Variants in AUTS2 observed in about 807,000 individuals in gnomAD.
AUTS2 encodes the protein activator of transcription and developmental regulator AUTS2.
Under a neutral mutation model 112.4 loss-of-function variants are expected in AUTS2, and 17 were observed. The observed-to-expected ratio is 0.15, with a 90% CI of 0.10 to 0.23. The LOEUF (loss-of-function observed/expected upper bound fraction) is 0.23, where lower values mean the gene tolerates loss of function less well. Among genes scored for constraint, AUTS2 ranks in the 10% least tolerant of loss-of-function variants. The probability of loss-of-function intolerance (pLI) is 1.00; values close to 1 mark genes in which losing one functional copy is unlikely to be tolerated. For missense variants in AUTS2, 1,510 were observed against 1,701.6 expected, an observed-to-expected ratio of 0.89 and a Z score of 1.98; for synonymous variants, 751 against 702.7, an observed-to-expected ratio of 1.07 and a Z score of -1.09.
chr7:69,686,104 A>T (rs1797053616), intron 1 of AUTS2, among the ~76,000 whole-genome samples: 1 of 152,194 alleles, frequency 6.6e-6, no homozygotes, highest in Non-Finnish European at 1.5e-5. Flanking sequence ...GGTGTAGGTT[A>T]TACCAAAGAT....
intron 2 of AUTS2, among the ~76,000 whole-genome samples, chr7:70,099,747 GA>G (rs1243571392): frequency 6.6e-6 from 1 of 152,120 alleles, no homozygotes; most frequent in Non-Finnish European, 1.5e-5. Flanking sequence ...AATTCCTCCA[GA>G]AAAGTCAAGT....
At chr7:70,592,727 C>T (rs1312191376) in intron 5 of AUTS2, among the ~76,000 whole-genome samples, 6 of 152,128 alleles carry the variant, frequency 3.9e-5, no homozygotes, top group Admixed American at 3.3e-4. Context: ...CTACCCCTAC[C>T]CTACCCATGG....
Position 70,463,947 on chromosome 7 carries a change from G to A in AUTS2, c.690+28166G>A, listed in dbSNP as rs1585176232. Among the ~76,000 whole-genome samples, 3 of 152,204 alleles carry A rather than the reference G, an allele frequency of 2.0e-5. No individual in the cohort carries two copies. The East Asian group carries it at 5.8e-4, about 29-fold the overall frequency. On this transcript the variant is annotated intron_variant, in intron 5 of 18. Coordinates refer to ENST00000342771, the MANE Select transcript of AUTS2 (RefSeq NM_015570.4). ...AATTAATCCATGTGGGTCAAATGCA[G>A]CTATTAATTTTTAATCAAAACACAA...
chr7:70,115,603 A>C (rs928490228), intron 2 of AUTS2, among the ~76,000 whole-genome samples: 1 of 152,230 alleles, frequency 6.6e-6, no homozygotes, highest in Non-Finnish European at 1.5e-5. Flanking sequence ...TCATTACTTC[A>C]TGTCAAATGT....
intron 2 of AUTS2, among the ~76,000 whole-genome samples, chr7:69,991,262 G>C (rs2129551501): frequency 6.6e-6 from 1 of 152,336 alleles, no homozygotes; most frequent in East Asian, 1.9e-4. Flanking sequence ...AGGTCCAGGA[G>C]ACATCCTGAG....
chr7:69,908,074 A>G (rs892970353), intron 2 of AUTS2, among the ~76,000 whole-genome samples: 1 of 152,232 alleles, frequency 6.6e-6, no homozygotes, highest in Non-Finnish European at 1.5e-5. Flanking sequence ...AAATATGAAT[A>G]TAGATACAAT....
intron 4 of AUTS2, among the ~76,000 whole-genome samples, chr7:70,149,876 A>G (rs1807334907): frequency 6.6e-6 from 1 of 152,070 alleles, no homozygotes; most frequent in Non-Finnish European, 1.5e-5. Context: ...GAGAATATTG[A>G]TGCAGTTTGG....
At chr7:69,997,061 G>A (rs1459089470) in intron 2 of AUTS2, among the ~76,000 whole-genome samples, 1 of 151,678 alleles carries the variant, frequency 6.6e-6, no homozygotes, top group East Asian at 1.9e-4. Flanking sequence ...GATTATAAAT[G>A]TGCAGCCAGG....
chr7:69,945,876 C>G (rs933067021), intron 2 of AUTS2, among the ~76,000 whole-genome samples: 2 of 152,114 alleles, frequency 1.3e-5, no homozygotes, highest in African/African-American at 4.8e-5. Context: ...AAGATGGGCT[C>G]TTACTCTGTC....
chr7:70,284,816 A>G (rs182192631), intron 4 of AUTS2, among the ~76,000 whole-genome samples: 11 of 152,300 alleles, frequency 7.2e-5, no homozygotes, highest in Non-Finnish European at 7.4e-5. Flanking sequence ...CTGGAAAGGA[A>G]GACTGAGCAT....
chr7:70,279,563 A>T (rs1788105032), intron 4 of AUTS2, among the ~76,000 whole-genome samples: 1 of 152,222 alleles, frequency 6.6e-6, no homozygotes, highest in East Asian at 1.9e-4. Context: ...GTTGCCCAGA[A>T]AGGAATCAGC....
intron 2 of AUTS2, among the ~76,000 whole-genome samples, chr7:69,972,221 CTTAT>C (rs1224659179): frequency 2.6e-5 from 4 of 152,066 alleles, no homozygotes; most frequent in Admixed American, 6.6e-5. Flanking sequence ...TTTTCATTTG[CTTAT>C]TTGTCATTTG....
At chr7:69,704,232 C>T (rs1394019369) in intron 1 of AUTS2, among the ~76,000 whole-genome samples, 1 of 152,130 alleles carries the variant, frequency 6.6e-6, no homozygotes, top group Non-Finnish European at 1.5e-5. Flanking sequence ...GTTTTCTGAA[C>T]TCCTTAGTGT....
intron 4 of AUTS2, among the ~76,000 whole-genome samples, chr7:70,339,100 T>C (rs1293518632): frequency 1.3e-5 from 2 of 151,980 alleles, no homozygotes; most frequent in Admixed American, 1.3e-4. Flanking sequence ...CCTGACCTCG[T>C]GATCCGCCCG....
intron 5 of AUTS2, chr7:70,693,985 G>A (rs1374995652): frequency 6.6e-6 from 1 of 151,908 alleles, no homozygotes; most frequent in African/African-American, 2.4e-5. Context: ...GGCGCGCGGG[G>A]CGGGACGGAG....
At chr7:69,657,641 A>AT (rs547342759) in intron 1 of AUTS2, among the ~76,000 whole-genome samples, 16 of 150,544 alleles carry the variant, frequency 1.1e-4, no homozygotes, top group Admixed American at 2.7e-4. Context: ...GTGGTGAAGG[A>AT]TTTTTTTTTT....
At chr7:70,070,698 C>G (rs934333324) in intron 2 of AUTS2, among the ~76,000 whole-genome samples, 5 of 151,876 alleles carry the variant, frequency 3.3e-5, no homozygotes, top group Non-Finnish European at 4.4e-5. Flanking sequence ...AACCCCGTCT[C>G]TACTAAAAAT....
chr7:70,059,464 G>A, intron 2 of AUTS2, among the ~76,000 whole-genome samples: 1 of 152,158 alleles, frequency 6.6e-6, no homozygotes, highest in East Asian at 1.9e-4. Context: ...AAACATTTAT[G>A]CGCAGATTTC....
chr7:69,811,536 C>G (rs1169277126), intron 1 of AUTS2, among the ~76,000 whole-genome samples: 1 of 152,144 alleles, frequency 6.6e-6, no homozygotes, highest in African/African-American at 2.4e-5. Context: ...CATGCTCCCC[C>G]TCCCGTCCAT....
Sources: gnomAD v4.1 joint callset for allele counts (sites outside exome capture counted in the v4.1 genomes callset) on GRCh38, gnomAD v4.1.1 for gene constraint, MANE v1.5 for transcripts, NCBI Gene and HGNC (gene_info 2026-07-23, HGNC 2026-07-21) for gene names.